The following RERE variants were observed in gnomAD, a reference collection of about 807,000 sequenced individuals.
The protein encoded by RERE is arginine-glutamic acid dipeptide repeats.
A neutral mutation model predicts 146.1 loss-of-function variants in RERE; 40 were observed. The observed-to-expected ratio is 0.27, with a 90% CI of 0.21 to 0.36. RERE has a LOEUF of 0.36. Among genes scored for constraint, RERE ranks in the 10% least tolerant of loss-of-function variants. The probability of loss-of-function intolerance (pLI) is 1.00; values close to 1 mark genes in which losing one functional copy is unlikely to be tolerated. For missense variants in RERE, 1,933 were observed against 2,138.7 expected, an observed-to-expected ratio of 0.90 and a Z score of 1.90; for synonymous variants, 1,003 against 866.0, an observed-to-expected ratio of 1.16 and a Z score of -2.78.
chr1:8,403,393 T>G (rs912320017), intron 12 of RERE, among the ~76,000 whole-genome samples: 3 of 152,050 alleles, frequency 2.0e-5, no homozygotes, highest in Non-Finnish European at 2.9e-5. Context: ...TTGTCCTTCT[T>G]TTTTACAAGA....
chr1:8,518,178 G>A (rs1645445655), intron 7 of RERE, among the ~76,000 whole-genome samples: 2 of 152,212 alleles, frequency 1.3e-5, no homozygotes, highest in Admixed American at 6.5e-5. Context: ...GGAAGATGAG[G>A]GAGGAGGATA....
intron 1 of RERE, among the ~76,000 whole-genome samples, chr1:8,816,344 G>A (rs1641911292): frequency 1.3e-5 from 2 of 152,150 alleles, no homozygotes; most frequent in African/African-American, 4.8e-5. Context: ...AACATTTAAA[G>A]CACCCAGTTT....
chr1:8,382,564 T>C (rs1642494275), intron 12 of RERE, among the ~76,000 whole-genome samples: 2 of 152,234 alleles, frequency 1.3e-5, no homozygotes, highest in Non-Finnish European at 2.9e-5. Context: ...CTATTAATAT[T>C]TTCTCAATTC....
At chr1:8,426,075 A>G (rs549379677) in intron 11 of RERE, among the ~76,000 whole-genome samples, 1 of 152,190 alleles carries the variant, frequency 6.6e-6, no homozygotes, top group South Asian at 2.1e-4. Context: ...AGTGGTAACT[A>G]TTTTCTGTTA....
chr1:8,763,672 G>A (rs774504370), intron 1 of RERE, among the ~76,000 whole-genome samples: 8 of 152,056 alleles, frequency 5.3e-5, no homozygotes, highest in Non-Finnish European at 1.2e-4. Flanking sequence ...CGGGCACGGT[G>A]GCTCATGCCT....
At chr1:8,561,375 T>G (rs926158865) in intron 4 of RERE, among the ~76,000 whole-genome samples, 1 of 152,194 alleles carries the variant, frequency 6.6e-6, no homozygotes, top group Non-Finnish European at 1.5e-5. Context: ...AATAGGCCGG[T>G]AACTTAATTA....
At chr1:8,454,087 T>C (rs1346952763) in intron 11 of RERE, among the ~76,000 whole-genome samples, 4 of 152,244 alleles carry the variant, frequency 2.6e-5, no homozygotes, top group African/African-American at 9.6e-5. Context: ...GCTGCAGTGA[T>C]GGGCCATCCT....
rs566231726 is a variant in RERE, at chr1:8,638,866, C to T, written c.326-14486G>A. 7.6e-4 allele frequency among the ~76,000 whole-genome samples: 112 copies of T among 146,442 alleles called. 1 individual carries two copies. Among genetic ancestry groups the T allele is most frequent in the African/African-American group, 2.8e-3 (109 of 39,272 alleles). ...TGCAGTGGCGCGAAGCTCCGCCTCC[C>T]GTGTTCATGCCATTCTCTTGCCTCA... is the stretch of plus-strand genomic sequence containing the variant. On this transcript the variant is annotated intron_variant, in intron 2 of 22. Coordinates refer to ENST00000400908, the MANE Select transcript of RERE (RefSeq NM_001042681.2).
At chr1:8,501,054 C>T (rs1390080609) in intron 8 of RERE, among the ~76,000 whole-genome samples, 16 of 140,876 alleles carry the variant, frequency 1.1e-4, no homozygotes, top group East Asian at 2.2e-4. Context: ...GTCAGCCCCC[C>T]GCCCGGCCAG....
intron 4 of RERE, among the ~76,000 whole-genome samples, chr1:8,583,393 G>A (rs1258593600): frequency 6.6e-6 from 1 of 152,198 alleles, no homozygotes; most frequent in African/African-American, 2.4e-5. Flanking sequence ...AGAGAAAACA[G>A]AATCAATCAA....
At chr1:8,794,864 G>C (rs1040364352) in intron 1 of RERE, among the ~76,000 whole-genome samples, 1 of 152,166 alleles carries the variant, frequency 6.6e-6, no homozygotes, top group Non-Finnish European at 1.5e-5. Context: ...CCAGGTTGGA[G>C]TGCAGTGGTG....
chr1:8,545,819 G>T (rs1205588977), intron 6 of RERE, among the ~76,000 whole-genome samples: 1 of 150,378 alleles, frequency 6.6e-6, no homozygotes, highest in Non-Finnish European at 1.5e-5. Flanking sequence ...GAGTAGCTGG[G>T]ATTACAGACG....
chr1:8,798,088 A>G (rs369005417), intron 1 of RERE, among the ~76,000 whole-genome samples: 5 of 152,142 alleles, frequency 3.3e-5, no homozygotes, highest in African/African-American at 1.2e-4. Context: ...GCAAGACCCC[A>G]TTTCTATAAA....
intron 1 of RERE, among the ~76,000 whole-genome samples, chr1:8,793,797 T>C (rs1641412691): frequency 6.6e-6 from 1 of 152,138 alleles, no homozygotes; most frequent in Admixed American, 6.6e-5. Context: ...GGGCAGGTAC[T>C]ATAACACCTG....
chr1:8,515,252 C>A (rs1645398370), intron 7 of RERE, among the ~76,000 whole-genome samples: 1 of 152,032 alleles, frequency 6.6e-6, no homozygotes, highest in South Asian at 2.1e-4. Flanking sequence ...ATCCCACCTA[C>A]TCAGGAGGCT....
chr1:8,585,537 T>C (rs186835017), intron 4 of RERE, among the ~76,000 whole-genome samples: 1 of 152,282 alleles, frequency 6.6e-6, no homozygotes, highest in East Asian at 1.9e-4. Context: ...GCAAGACATG[T>C]ACAAGATGAG....
intron 6 of RERE, among the ~76,000 whole-genome samples, chr1:8,549,907 G>A (rs1281205954): frequency 2.0e-5 from 3 of 152,234 alleles, no homozygotes; most frequent in Non-Finnish European, 4.4e-5. Context: ...GGAAGGTCAT[G>A]AATGGTAAGG....
chr1:8,750,608 T>C (rs964611765), intron 1 of RERE: 29 of 982,426 alleles, frequency 3.0e-5, no homozygotes, highest in Non-Finnish European at 4.2e-5. Flanking sequence ...TCACAAGGAA[T>C]ATAGGCAGAT....
At chr1:8,692,747 C>T (rs1267206110) in intron 1 of RERE, among the ~76,000 whole-genome samples, 2 of 152,032 alleles carry the variant, frequency 1.3e-5, no homozygotes, top group Admixed American at 6.6e-5. Context: ...CATTTTTGCC[C>T]CACAGTTGAT....
Sources: gnomAD v4.1 joint callset for allele counts (sites outside exome capture counted in the v4.1 genomes callset) on GRCh38, gnomAD v4.1.1 for gene constraint, MANE v1.5 for transcripts, NCBI Gene and HGNC (gene_info 2026-07-23, HGNC 2026-07-21) for gene names.